Variants in B3GALT1 observed in about 807,000 individuals in gnomAD.
The protein encoded by B3GALT1 is UDP-Gal:betaGlcNAc beta 1,3-galactosyltransferase, polypeptide 1.
A neutral mutation model predicts 23.2 loss-of-function variants in B3GALT1; 10 were observed. The ratio of observed to expected loss-of-function variants is 0.43; its 90% confidence interval spans 0.27 to 0.73. The LOEUF (loss-of-function observed/expected upper bound fraction) is 0.73, where lower values mean the gene tolerates loss of function less well. Ranked by LOEUF, B3GALT1 falls within the 30% of genes least tolerant of loss-of-function variation. The probability of loss-of-function intolerance (pLI) is 0.21; values close to 1 mark genes in which losing one functional copy is unlikely to be tolerated. For missense variants in B3GALT1, 299 were observed against 405.4 expected (o/e 0.74, Z 2.25); for synonymous variants, 156 against 141.5 (o/e 1.10, Z -0.73).
intron 3 of B3GALT1, among the ~76,000 whole-genome samples, chr2:167,804,165 T>A (rs1347816031): frequency 6.6e-6 from 1 of 152,084 alleles, no homozygotes; most frequent in African/African-American, 2.4e-5. Context: ...GATTTTTGTA[T>A]TTTTAGTAGA....
chr2:167,742,309 G>A (rs901602899), intron 3 of B3GALT1, among the ~76,000 whole-genome samples: 2 of 152,180 alleles, frequency 1.3e-5, no homozygotes, highest in Non-Finnish European at 2.9e-5. Context: ...GTACACTGCA[G>A]TGTAGGGACA....
chr2:167,361,847 G>A (rs1382129567), intron 1 of B3GALT1, among the ~76,000 whole-genome samples: 9 of 152,178 alleles, frequency 5.9e-5, no homozygotes, highest in Non-Finnish European at 1.2e-4. Context: ...ACCGAGACGG[G>A]TGGATCACAT....
intron 1 of B3GALT1, among the ~76,000 whole-genome samples, chr2:167,387,437 CT>C (rs961230578): frequency 6.6e-6 from 1 of 152,082 alleles, no homozygotes; most frequent in African/African-American, 2.4e-5. Flanking sequence ...CATATAAAGT[CT>C]CATTGTGGCT....
chr2:167,644,998 A>C (rs1170134704), intron 2 of B3GALT1, among the ~76,000 whole-genome samples: 1 of 152,146 alleles, frequency 6.6e-6, no homozygotes, highest in Non-Finnish European at 1.5e-5. Flanking sequence ...CTTCACTTTC[A>C]GAATATTTTT....
At chr2:167,338,130 A>T (rs1697088720) in intron 1 of B3GALT1, among the ~76,000 whole-genome samples, 1 of 152,182 alleles carries the variant, frequency 6.6e-6, no homozygotes, top group South Asian at 2.1e-4. Flanking sequence ...GTTTTAGGAA[A>T]ATTTAATAAG....
At chr2:167,309,793 T>C (rs1696610626) in intron 1 of B3GALT1, among the ~76,000 whole-genome samples, 2 of 152,094 alleles carry the variant, frequency 1.3e-5, no homozygotes, top group South Asian at 4.1e-4. Context: ...TTAAAATAGG[T>C]ATTCAACAAT....
At chr2:167,613,985 T>C (rs1685113545) in intron 2 of B3GALT1, among the ~76,000 whole-genome samples, 1 of 151,764 alleles carries the variant, frequency 6.6e-6, no homozygotes, top group Admixed American at 6.6e-5. Flanking sequence ...TTAAAGGCTA[T>C]GATGAGACCA....
At chr2:167,635,781 A>G (rs964851325) in intron 2 of B3GALT1, among the ~76,000 whole-genome samples, 3 of 152,188 alleles carry the variant, frequency 2.0e-5, no homozygotes, top group Non-Finnish European at 4.4e-5. Flanking sequence ...AAAGTAATTT[A>G]TAAATTCAAT....
At chr2:167,340,489 A>T (rs1431321210) in intron 1 of B3GALT1, among the ~76,000 whole-genome samples, 1 of 152,288 alleles carries the variant, frequency 6.6e-6, no homozygotes. Flanking sequence ...GGACCAAAAA[A>T]ATAGTTAAAT....
intron 3 of B3GALT1, among the ~76,000 whole-genome samples, chr2:167,671,008 A>G (rs1686316116): frequency 6.6e-6 from 1 of 152,196 alleles, no homozygotes; most frequent in Admixed American, 6.5e-5. Flanking sequence ...TTCCATGCAA[A>G]TGACACCCAA....
intron 3 of B3GALT1, among the ~76,000 whole-genome samples, chr2:167,686,748 T>G (rs1487448033): frequency 1.3e-5 from 2 of 152,072 alleles, no homozygotes; most frequent in Non-Finnish European, 2.9e-5. Flanking sequence ...GTAAATATAT[T>G]TCTTTAGTTT....
At chr2:167,294,003 G>A (rs1228066149) in intron 1 of B3GALT1, among the ~76,000 whole-genome samples, 1 of 152,212 alleles carries the variant, frequency 6.6e-6, no homozygotes, top group Non-Finnish European at 1.5e-5. Context: ...AGCCCCGCGT[G>A]GGAGGCTTGC....
intron 1 of B3GALT1, among the ~76,000 whole-genome samples, chr2:167,397,220 C>T (rs557780534): frequency 1.3e-5 from 2 of 151,722 alleles, no homozygotes; most frequent in African/African-American, 4.8e-5. Context: ...TCTTCCCTCT[C>T]TCTCCTTCCT....
intron 1 of B3GALT1, among the ~76,000 whole-genome samples, chr2:167,486,190 C>A (rs1213684680): frequency 2.0e-5 from 3 of 151,802 alleles, no homozygotes; most frequent in African/African-American, 7.3e-5. Context: ...GAAACCCCAA[C>A]TCTACTAAAA....
rs1319816049 is a variant in B3GALT1 at position 167,870,219 on chromosome 2, G to A, written c.*199G>A. On this transcript the variant is annotated 3_prime_UTR_variant, in exon 5 of 5. Transcript: ENST00000392690. ...CATAGAAACAATAAATGAGTTAGAA[G>A]GGCCAGATTTCATTCTCAGTCCCAG... 3.8e-6 allele frequency: 2 copies of A among 528,208 alleles called. No individual in the cohort carries two copies. Among genetic ancestry groups the A allele is most frequent in the East Asian group, 6.2e-5 (2 of 32,508 alleles). The allele number at this position is 528,208 out of a possible 1,614,324, so 32.7% of individuals were successfully genotyped here. A position where few individuals can be genotyped will look rare whatever the true frequency, so the allele number is the denominator to read the frequency against.
chr2:167,582,286 C>T (rs915891561), intron 2 of B3GALT1, among the ~76,000 whole-genome samples: 18 of 152,126 alleles, frequency 1.2e-4, no homozygotes, highest in African/African-American at 3.1e-4. Flanking sequence ...GTTTTGAAAA[C>T]GGAGTGTTGT....
intron 1 of B3GALT1, among the ~76,000 whole-genome samples, chr2:167,331,620 G>C (rs1469915640): frequency 6.6e-6 from 1 of 152,140 alleles, no homozygotes; most frequent in African/African-American, 2.4e-5. Context: ...TACCACTAGT[G>C]GGCTGGGCTG....
At chr2:167,441,118 TG>T (rs1181038165) in intron 1 of B3GALT1, among the ~76,000 whole-genome samples, 1 of 152,192 alleles carries the variant, frequency 6.6e-6, no homozygotes, top group African/African-American at 2.4e-5. Flanking sequence ...CAGGATTGGA[TG>T]GGGCATGTGT....
chr2:167,340,331 A>AG (rs1042051306), intron 1 of B3GALT1, among the ~76,000 whole-genome samples: 1 of 151,582 alleles, frequency 6.6e-6, no homozygotes, highest in African/African-American at 2.4e-5. Flanking sequence ...AAAAAAAAAA[A>AG]AAAACAGAGC....
Sources: gnomAD v4.1 joint callset for allele counts (sites outside exome capture counted in the v4.1 genomes callset) on GRCh38, gnomAD v4.1.1 for gene constraint, MANE v1.5 for transcripts, NCBI Gene and HGNC (gene_info 2026-07-23, HGNC 2026-07-21) for gene names.